The following GPC5 variants were observed in gnomAD, a reference collection of about 807,000 sequenced individuals.
GPC5 encodes glypican-5.
GPC5 carries 47 observed loss-of-function variants against 53.9 expected under a neutral mutation model. That is an observed-to-expected ratio of 0.87 (90% CI 0.69 to 1.11). The LOEUF (loss-of-function observed/expected upper bound fraction) is 1.11. Ranked by LOEUF, GPC5 falls within the 50% of genes most tolerant of loss-of-function variation. GPC5 has a pLI of 0.00. For synonymous variants in GPC5, 286 were observed against 263.3 expected (o/e 1.09, Z -0.84); for missense variants, 748 against 713.1 (o/e 1.05, Z -0.56).
chr13:92,526,358 C>A (rs1221552321), intron 7 of GPC5, among the ~76,000 whole-genome samples: 1 of 152,074 alleles, frequency 6.6e-6, no homozygotes, highest in Non-Finnish European at 1.5e-5. Context: ...GTGCTCCTGG[C>A]ACTCACTAAC....
intron 6 of GPC5, among the ~76,000 whole-genome samples, chr13:92,010,778 G>A (rs2138773676): frequency 6.6e-6 from 1 of 152,276 alleles, no homozygotes; most frequent in Non-Finnish European, 1.5e-5. Context: ...CTACAAGCCA[G>A]GAAGGGAGGC....
chr13:92,531,337 T>C (rs1194637835), intron 7 of GPC5, among the ~76,000 whole-genome samples: 3 of 152,054 alleles, frequency 2.0e-5, no homozygotes, highest in African/African-American at 7.2e-5. Context: ...GATCACTAGT[T>C]TTAGGATATA....
At chr13:92,853,105 T>C (rs1449710740) in intron 7 of GPC5, among the ~76,000 whole-genome samples, 1 of 152,056 alleles carries the variant, frequency 6.6e-6, no homozygotes, top group Admixed American at 6.6e-5. Flanking sequence ...GTGTATAACA[T>C]GAAAAATGGT....
intron 7 of GPC5, among the ~76,000 whole-genome samples, chr13:92,277,878 T>G (rs1173275027): frequency 6.6e-6 from 1 of 151,936 alleles, no homozygotes; most frequent in Non-Finnish European, 1.5e-5. Flanking sequence ...AACTCCTGGC[T>G]TGATGGTATT....
At chr13:92,311,711 T>C (rs960151528) in intron 7 of GPC5, among the ~76,000 whole-genome samples, 2 of 151,994 alleles carry the variant, frequency 1.3e-5, no homozygotes, top group African/African-American at 2.4e-5. Flanking sequence ...AAGAACAGCA[T>C]GGGAAAAACC....
At chr13:92,107,206 A>G (rs939314925) in intron 6 of GPC5, among the ~76,000 whole-genome samples, 1 of 152,090 alleles carries the variant, frequency 6.6e-6, no homozygotes, top group East Asian at 1.9e-4. Context: ...ATGACTTACC[A>G]ACTTTGCTTA....
intron 7 of GPC5, among the ~76,000 whole-genome samples, chr13:92,179,657 A>T (rs2042132426): frequency 6.6e-6 from 1 of 152,244 alleles, no homozygotes; most frequent in South Asian, 2.1e-4. Context: ...TAGATTACTT[A>T]TACTATAATG....
intron 7 of GPC5, among the ~76,000 whole-genome samples, chr13:92,320,538 A>G (rs1173804003): frequency 2.0e-5 from 3 of 152,158 alleles, no homozygotes. Context: ...AAATATAGTC[A>G]TTCCTTTAGT....
chr13:92,532,938 A>ATTTT (rs955054206), intron 7 of GPC5, among the ~76,000 whole-genome samples: 1 of 152,124 alleles, frequency 6.6e-6, no homozygotes, highest in Non-Finnish European at 1.5e-5. Context: ...TTAAGCTGAC[A>ATTTT]TTTTTTTAAA....
intron 7 of GPC5, among the ~76,000 whole-genome samples, chr13:92,276,725 C>T (rs934127272): frequency 6.6e-6 from 1 of 151,992 alleles, no homozygotes; most frequent in African/African-American, 2.4e-5. Context: ...GAATTAAGAG[C>T]CTTTTATTAC....
At chr13:92,018,208 ATAAG>A (rs2040726303) in intron 6 of GPC5, among the ~76,000 whole-genome samples, 1 of 152,184 alleles carries the variant, frequency 6.6e-6, no homozygotes, top group East Asian at 1.9e-4. Context: ...ATTTTTTACA[ATAAG>A]TAAGTCTTTT....
intron 7 of GPC5, among the ~76,000 whole-genome samples, chr13:92,740,906 A>C (rs900405091): frequency 7.5e-6 from 1 of 134,210 alleles, no homozygotes; most frequent in Non-Finnish European, 1.6e-5. Context: ...TTATATATAT[A>C]TATATATATA....
chr13:92,673,384 T>C (rs1236720236), intron 7 of GPC5, among the ~76,000 whole-genome samples: 3 of 151,558 alleles, frequency 2.0e-5, no homozygotes, highest in Non-Finnish European at 2.9e-5. Context: ...CAGGTTCAAG[T>C]GATTCTCCTG....
At chr13:92,144,790 A>G (rs1007227124) in intron 6 of GPC5, 40 bp from the exon 7 acceptor site, 23 of 1,577,342 alleles carry the variant, frequency 1.5e-5, no homozygotes, top group Non-Finnish European at 2.0e-5. Context: ...ATGTTATTCA[A>G]ATTTGCTATT....
rs141396627 is a variant in GPC5, at chr13:92,616,838, A to G, written c.1562-249444A>G. ...AACTGCATTAACTGTAGAAACAACA[A>G]ATGGGCAAAGATAGACCCAAATGAT... On this transcript the variant is annotated intron_variant, in intron 7 of 7. Coordinates refer to ENST00000377067, the MANE Select transcript of GPC5 (RefSeq NM_004466.6). 6.2e-3 allele frequency among the ~76,000 whole-genome samples: 939 copies of G among 152,310 alleles called. 5 individuals carry two copies. Among genetic ancestry groups the G allele is most frequent in the Middle Eastern group, 0.037 (11 of 294 alleles).
At chr13:91,694,659 T>C (rs1214161356) in intron 3 of GPC5, among the ~76,000 whole-genome samples, 3 of 152,226 alleles carry the variant, frequency 2.0e-5, no homozygotes, top group South Asian at 4.1e-4. Flanking sequence ...AGCATGCTGA[T>C]GGTTCTACTA....
intron 6 of GPC5, among the ~76,000 whole-genome samples, chr13:92,077,296 C>A (rs1164659568): frequency 1.3e-5 from 2 of 152,056 alleles, no homozygotes; most frequent in South Asian, 4.2e-4. Context: ...AATATTTTAC[C>A]GAGTTTGACT....
At chr13:92,610,102 T>G (rs1421606250) in intron 7 of GPC5, among the ~76,000 whole-genome samples, 1 of 151,850 alleles carries the variant, frequency 6.6e-6, no homozygotes, top group Non-Finnish European at 1.5e-5. Context: ...AGTTGAACTT[T>G]GTGTTCAAAG....
intron 2 of GPC5, among the ~76,000 whole-genome samples, chr13:91,635,364 TTC>T (rs1464061615): frequency 2.0e-5 from 3 of 152,106 alleles, no homozygotes; most frequent in Non-Finnish European, 4.4e-5. Flanking sequence ...AGATAGCTTT[TTC>T]TGCTTGTTTA....
Sources: gnomAD v4.1 joint callset for allele counts (sites outside exome capture counted in the v4.1 genomes callset) on GRCh38, gnomAD v4.1.1 for gene constraint, MANE v1.5 for transcripts, NCBI Gene and HGNC (gene_info 2026-07-23, HGNC 2026-07-21) for gene names.